PPP1R13L: variants seen among roughly 807,000 people sequenced by gnomAD.
PPP1R13L encodes protein phosphatase 1 regulatory subunit 13 like.
A neutral mutation model predicts 80.9 loss-of-function variants in PPP1R13L; 50 were observed. The observed-to-expected ratio is 0.62, with a 90% CI of 0.49 to 0.78. The LOEUF is 0.78. Among genes scored for constraint, PPP1R13L ranks in the 30% least tolerant of loss-of-function variants. The pLI is 0.00. For missense variants in PPP1R13L, 1,200 were observed against 1,205.9 expected, an observed-to-expected ratio of 1.00 and a Z score of 0.07; for synonymous variants, 602 against 534.3, an observed-to-expected ratio of 1.13 and a Z score of -1.75.
chr19:45,393,765 C>G (rs773497771), intron 7 of PPP1R13L, among the ~76,000 whole-genome samples: 2 of 151,628 alleles, frequency 1.3e-5, no homozygotes, highest in South Asian at 2.1e-4. Context: ...CCCAGCCACT[C>G]GGGAGGCTGA....
intron 1 of PPP1R13L, among the ~76,000 whole-genome samples, chr19:45,399,534 G>C (rs989133956): frequency 3.3e-5 from 5 of 151,606 alleles, no homozygotes; most frequent in Non-Finnish European, 5.9e-5. Flanking sequence ...TGAGGCAGGA[G>C]AACGGCGTGA....
At chr19:45,399,495 A>G (rs540534887) in intron 1 of PPP1R13L, among the ~76,000 whole-genome samples, 176 of 150,410 alleles carry the variant, frequency 1.2e-3, no homozygotes, top group African/African-American at 2.9e-3. Context: ...GTGGTGATGG[A>G]CGCCTGTAGT....
upstream of PPP1R13L, among the ~76,000 whole-genome samples, chr19:45,405,245 C>G (rs1453493509): frequency 6.6e-6 from 1 of 152,162 alleles, no homozygotes; most frequent in African/African-American, 2.4e-5. Context: ...ATTTCACAGA[C>G]AGGAAGGGCG....
At chr19:45,394,276 C>T (rs1336208396) in intron 7 of PPP1R13L, among the ~76,000 whole-genome samples, 2 of 152,070 alleles carry the variant, frequency 1.3e-5, no homozygotes, top group African/African-American at 2.4e-5. Flanking sequence ...GGACTACAGG[C>T]GCCCACTACC....
intron 12 of PPP1R13L, among the ~76,000 whole-genome samples, chr19:45,380,877 C>A (rs183588312): frequency 1.3e-5 from 2 of 150,732 alleles, no homozygotes; most frequent in East Asian, 3.9e-4. Flanking sequence ...ATAAAAAAAT[C>A]TCCCTTCTCA....
intron 1 of PPP1R13L, among the ~76,000 whole-genome samples, chr19:45,402,559 G>A (rs1160856326): frequency 6.6e-6 from 1 of 152,210 alleles, no homozygotes; most frequent in Non-Finnish European, 1.5e-5. Flanking sequence ...TCAGGCCCGG[G>A]GAATGCGCAG....
intron 11 of PPP1R13L, among the ~76,000 whole-genome samples, chr19:45,383,303 T>C (rs1202624235): frequency 7.3e-6 from 1 of 137,904 alleles, no homozygotes; most frequent in Non-Finnish European, 1.6e-5. Context: ...CTTTTTTTTT[T>C]TTTTTTTTTT....
At chr19:45,384,366 CAAAA>C (rs770216477) in intron 11 of PPP1R13L, among the ~76,000 whole-genome samples, 14 of 91,312 alleles carry the variant, frequency 1.5e-4, no homozygotes, top group African/African-American at 4.2e-4. Context: ...ACTAAAAATA[CAAAA>C]AAAAAAAAAA....
In PPP1R13L at chr19:45,398,457, G is replaced by A. The variant is rs1449276289; in HGVS notation, c.-21-118C>T. ...CTCAACTCAGTTCCTTCCCCTGGAA[G>A]CCCTTTACCCTTTCACCTCCCCAGC... is the stretch of plus-strand genomic sequence containing the variant. On this transcript the variant is annotated intron_variant, in intron 1 of 12. Coordinates refer to ENST00000360957, the MANE Select transcript of PPP1R13L (RefSeq NM_006663.4). 8.0e-6 allele frequency: 8 copies of A among 1,000,892 alleles called. No individual in the cohort carries two copies. The East Asian group carries it at 2.1e-4, about 26-fold the overall frequency. 62.0% of individuals were successfully genotyped at this position (1,000,892 alleles called of 1,614,324 possible).
In PPP1R13L at chr19:45,392,039, A is replaced by T; in HGVS notation, c.1656T>A (p.His552Gln). ...CCCCGGGCCCTGGCCCCCCATGACG[A>T]TGGAAGAGGCGGCTGATGATCTGCT... Reference protein sequence around the residue: ...QYQQIISRLFHRHGGPGPGGP... With the variant: ...QYQQIISRLFQRHGGPGPGGP... The change falls in exon 8 of 13, where the codon CAT becomes CAA. Residue 552 changes from histidine (H) to glutamine (Q), a missense_variant. Physicochemically the swap from His to Gln is conservative, Grantham distance 24. This residue lies in a region of PPP1R13L where 53 missense variants were observed against 96.5 expected (regional missense o/e 0.55). Transcript: ENST00000360957. 1 of 1,543,038 alleles carries T rather than the reference A, an allele frequency of 6.5e-7. No homozygotes were observed. The highest frequency in any genetic ancestry group is 8.7e-7 in the Non-Finnish European group (1 of 1,147,712).
intron 3 of PPP1R13L, 110 bp from the exon 4 acceptor site, chr19:45,397,168 G>A: frequency 2.2e-6 from 2 of 904,094 alleles, no homozygotes; most frequent in African/African-American, 3.5e-5. Flanking sequence ...CCCAGAGGAG[G>A]CTGACCGGCC....
intron 12 of PPP1R13L, 147 bp downstream of exon 12, chr19:45,382,380 C>A: frequency 1.1e-6 from 1 of 933,642 alleles, no homozygotes; most frequent in Non-Finnish European, 1.6e-6. Flanking sequence ...TTTTCGTCTC[C>A]TCCCCATGAG....
chr19:45,397,659 T>C (rs1178340069), intron 3 of PPP1R13L, among the ~76,000 whole-genome samples: 1 of 151,794 alleles, frequency 6.6e-6, no homozygotes, highest in Non-Finnish European at 1.5e-5. Context: ...GGTTTCACCA[T>C]GTTAGCCAGG....
intron 1 of PPP1R13L, among the ~76,000 whole-genome samples, chr19:45,400,491 T>C (rs1385640756): frequency 6.6e-6 from 1 of 151,928 alleles, no homozygotes; most frequent in African/African-American, 2.4e-5. Flanking sequence ...ACAGAACCTG[T>C]TCAGGCTGGC....
intron 8 of PPP1R13L, among the ~76,000 whole-genome samples, chr19:45,388,007 A>G (rs1972902624): frequency 1.3e-5 from 2 of 151,994 alleles, no homozygotes; most frequent in Non-Finnish European, 2.9e-5. Context: ...TGTCTCTACT[A>G]AAAATACAAA....
In PPP1R13L at chr19:45,396,417, C is replaced by G. The variant is rs1346411179; in HGVS notation, c.732G>C (p.Arg244=). ...ACTCGTTCCAGGCTTTCGGAGGCCG[C>G]CGGCGCAGCGTCAGGTCGTCTGGGG... is the stretch of plus-strand genomic sequence containing the variant. The part of the protein sequence containing the change: ...LRAQDDLTLR[R]RPPKAWNESD... The change falls in exon 5 of 13, where the codon CGG becomes CGC. Residue 244 remains arginine (R), a synonymous_variant. Coordinates refer to ENST00000360957, the MANE Select transcript of PPP1R13L (RefSeq NM_006663.4). This position sits in a 1 kb window ranked among gnomAD's most constrained non-coding sequence, Gnocchi z 5.3. The G allele has an allele frequency of 6.2e-7, 1 of 1,613,944 alleles. No homozygotes were observed.
chr19:45,406,190 T>C, upstream of PPP1R13L: 4 of 700,674 alleles, frequency 5.7e-6, no homozygotes, highest in Non-Finnish European at 7.0e-6. This position sits in a 1 kb window ranked among gnomAD's most constrained non-coding sequence, Gnocchi z 4.2. Context: ...ATTTCTCCAT[T>C]TTCCCGCTTC....
chr19:45,380,346 AAACTGCTC>A (rs1040690093), intron 12 of PPP1R13L, 118 bp from the exon 13 acceptor site: 31 of 1,144,310 alleles, frequency 2.7e-5, no homozygotes, highest in Non-Finnish European at 4.0e-5. Flanking sequence ...AGCACCTCCC[AAACTGCTC>A]CAGAATCCAA....
intron 8 of PPP1R13L, among the ~76,000 whole-genome samples, chr19:45,387,301 T>C (rs1402586963): frequency 6.6e-6 from 1 of 151,874 alleles, no homozygotes; most frequent in African/African-American, 2.4e-5. Flanking sequence ...TTATTCCAAG[T>C]GTGTGAGTGC....
Sources: gnomAD v4.1 joint callset for allele counts (sites outside exome capture counted in the v4.1 genomes callset) on GRCh38, gnomAD v4.1.1 for gene constraint, gnomAD v4.1.1 regional missense constraint, Gnocchi (gnomAD v3.1) non-coding constraint, MANE v1.5 for transcripts, NCBI Gene and HGNC (gene_info 2026-07-23, HGNC 2026-07-21) for gene names.